The following KCND2 variants were observed in gnomAD, a reference collection of about 807,000 sequenced individuals.
KCND2 encodes A-type voltage-gated potassium channel KCND2.
In KCND2, 16 loss-of-function variants were observed where a neutral mutation model predicts 54.4. The observed-to-expected ratio is 0.29, with a 90% CI of 0.20 to 0.45. KCND2 has a LOEUF of 0.45. KCND2 is among the 20% of genes least tolerant of loss of function. KCND2 has a pLI of 1.00. For synonymous variants in KCND2, 317 were observed against 310.7 expected (o/e 1.02, Z -0.21); for missense variants, 486 against 824.2 (o/e 0.59, Z 5.02).
At chr7:120,282,265 A>G (rs1799277396) in intron 1 of KCND2, among the ~76,000 whole-genome samples, 1 of 152,194 alleles carries the variant, frequency 6.6e-6, no homozygotes, top group African/African-American at 2.4e-5. Flanking sequence ...CTCTCTTACC[A>G]GTAACACAAG....
chr7:120,297,803 T>C (rs2116288823), intron 1 of KCND2, among the ~76,000 whole-genome samples: 1 of 152,228 alleles, frequency 6.6e-6, no homozygotes, highest in Non-Finnish European at 1.5e-5. Flanking sequence ...TGTTTTGGAT[T>C]TTATGTTTGT....
intron 1 of KCND2, among the ~76,000 whole-genome samples, chr7:120,413,674 C>G (rs1801482718): frequency 6.6e-6 from 1 of 151,862 alleles, no homozygotes; most frequent in Non-Finnish European, 1.5e-5. Flanking sequence ...CAGCATTGTA[C>G]TACAGTTTAT....
chr7:120,318,317 G>A (rs2116326052), intron 1 of KCND2, among the ~76,000 whole-genome samples: 1 of 152,156 alleles, frequency 6.6e-6, no homozygotes, highest in South Asian at 2.1e-4. Context: ...GTCAAAGAAT[G>A]ATTACATATA....
intron 1 of KCND2, among the ~76,000 whole-genome samples, chr7:120,429,391 A>G (rs1801759618): frequency 1.3e-5 from 2 of 152,188 alleles, no homozygotes; most frequent in African/African-American, 4.8e-5. Flanking sequence ...ATTGTATTAA[A>G]TGTCAACCCT....
chr7:120,723,527 A>G (rs567698199), intron 1 of KCND2, among the ~76,000 whole-genome samples: 2 of 152,294 alleles, frequency 1.3e-5, no homozygotes, highest in South Asian at 4.1e-4. Context: ...TAAAAGGACA[A>G]AATCTGCCAA....
chr7:120,552,411 T>C (rs1414539762), intron 1 of KCND2, among the ~76,000 whole-genome samples: 1 of 152,224 alleles, frequency 6.6e-6, no homozygotes, highest in East Asian at 1.9e-4. Context: ...CTGGGTTCTG[T>C]AACAAAATGC....
chr7:120,456,335 A>G (rs1354851646), intron 1 of KCND2, among the ~76,000 whole-genome samples: 1 of 152,220 alleles, frequency 6.6e-6, no homozygotes, highest in Non-Finnish European at 1.5e-5. Context: ...AAGTAATGGC[A>G]TCAGTTTGGA....
At chr7:120,512,317 T>C (rs564938648) in intron 1 of KCND2, among the ~76,000 whole-genome samples, 1 of 152,190 alleles carries the variant, frequency 6.6e-6, no homozygotes, top group South Asian at 2.1e-4. Flanking sequence ...CAGTTGTTTA[T>C]TTTGTTTTAA....
intron 1 of KCND2, among the ~76,000 whole-genome samples, chr7:120,539,079 T>TATAG (rs35612388): frequency 0.24 from 36,956 of 151,692 alleles, 7,885 homozygotes; most frequent in African/African-American, 0.57. Flanking sequence ...TATATGTTAT[T>TATAG]ATAAACACAT....
At chr7:120,553,914 A>C (rs2116399639) in intron 1 of KCND2, among the ~76,000 whole-genome samples, 1 of 152,278 alleles carries the variant, frequency 6.6e-6, no homozygotes, top group Admixed American at 6.5e-5. Flanking sequence ...TCAAGTAAAA[A>C]GTTATTATGC....
chr7:120,364,871 G>T (rs1440708298), intron 1 of KCND2, among the ~76,000 whole-genome samples: 1 of 152,030 alleles, frequency 6.6e-6, no homozygotes, highest in Non-Finnish European at 1.5e-5. Flanking sequence ...ATTTGACAAA[G>T]AATTGCACAG....
At chr7:120,686,723 G>A (rs1163204170) in intron 1 of KCND2, among the ~76,000 whole-genome samples, 1 of 152,106 alleles carries the variant, frequency 6.6e-6, no homozygotes, top group African/African-American at 2.4e-5. Context: ...AGCACAGGGT[G>A]TTTACTGGAG....
intron 1 of KCND2, among the ~76,000 whole-genome samples, chr7:120,452,521 G>A (rs1007364135): frequency 1.3e-5 from 2 of 152,112 alleles, no homozygotes; most frequent in Non-Finnish European, 2.9e-5. Context: ...AAGGGGAAGG[G>A]AGCTGGGAAA....
intron 1 of KCND2, among the ~76,000 whole-genome samples, chr7:120,579,617 TAA>T (rs1472223737): frequency 7.9e-6 from 1 of 127,296 alleles, no homozygotes; most frequent in Non-Finnish European, 1.5e-5. Flanking sequence ...AATAAATAAA[TAA>T]ATAAATAAAT....
intron 1 of KCND2, among the ~76,000 whole-genome samples, chr7:120,485,200 A>G (rs1355982761): frequency 6.6e-6 from 1 of 152,130 alleles, no homozygotes; most frequent in African/African-American, 2.4e-5. Context: ...ATTTAATGTA[A>G]TATTTGCAGC....
chr7:120,728,281 TC>T (rs1355240936), intron 1 of KCND2, among the ~76,000 whole-genome samples: 2 of 150,830 alleles, frequency 1.3e-5, no homozygotes, highest in African/African-American at 4.8e-5. Flanking sequence ...TCGTTCTTCT[TC>T]TTTTTTTTTT....
chr7:120,691,835 G>A (rs953766792), intron 1 of KCND2, among the ~76,000 whole-genome samples: 6 of 152,130 alleles, frequency 3.9e-5, no homozygotes, highest in Non-Finnish European at 7.4e-5. Flanking sequence ...AGAAGTTGAG[G>A]CAACAAGGAG....
At chr7:120,562,882 T>A (rs1004478440) in intron 1 of KCND2, among the ~76,000 whole-genome samples, 1 of 152,150 alleles carries the variant, frequency 6.6e-6, no homozygotes, top group African/African-American at 2.4e-5. Context: ...ATATGCCAAA[T>A]TACTATAAGA....
intron 1 of KCND2, among the ~76,000 whole-genome samples, chr7:120,309,472 TATAC>T (rs1176465779): frequency 1.1e-3 from 136 of 122,594 alleles, no homozygotes; most frequent in African/African-American, 3.8e-3. Flanking sequence ...TATATATATA[TATAC>T]ACACACACAC....
Sources: gnomAD v4.1 joint callset for allele counts (sites outside exome capture counted in the v4.1 genomes callset) on GRCh38, gnomAD v4.1.1 for gene constraint, MANE v1.5 for transcripts, NCBI Gene and HGNC (gene_info 2026-07-23, HGNC 2026-07-21) for gene names.